The following B4GALNT3 variants were observed in gnomAD, a reference collection of about 807,000 sequenced individuals.
The protein encoded by B4GALNT3 is beta-1,4-N-acetylgalactosaminyltransferase 3.
A neutral mutation model predicts 120.2 loss-of-function variants in B4GALNT3; 86 were observed. The ratio of observed to expected loss-of-function variants is 0.72; its 90% CI spans 0.60 to 0.86. The LOEUF (loss-of-function observed/expected upper bound fraction) is 0.86. Ranked by LOEUF, B4GALNT3 falls within the 40% of genes least tolerant of loss-of-function variation. B4GALNT3 has a pLI of 0.00. For synonymous variants in B4GALNT3, 518 were observed against 510.4 expected, an observed-to-expected ratio of 1.01 and a Z score of -0.20; for missense variants, 1,167 against 1,298.9, an observed-to-expected ratio of 0.90 and a Z score of 1.56.
chr12:483,400 G>A (rs1946260478), intron 1 of B4GALNT3, among the ~76,000 whole-genome samples: 1 of 152,282 alleles, frequency 6.6e-6, no homozygotes, highest in East Asian at 1.9e-4. Context: ...AGCTATTATA[G>A]TAACAGCCCA....
chr12:521,697 G>A (rs1946710752), intron 1 of B4GALNT3, among the ~76,000 whole-genome samples: 2 of 152,176 alleles, frequency 1.3e-5, no homozygotes, highest in Admixed American at 1.3e-4. Flanking sequence ...ACGTTCAGTG[G>A]GACGATTCCA....
intron 3 of B4GALNT3, among the ~76,000 whole-genome samples, chr12:543,994 G>T (rs1282919050): frequency 7.9e-6 from 1 of 126,208 alleles, no homozygotes; most frequent in Non-Finnish European, 1.6e-5. Flanking sequence ...AGGAGCTGGG[G>T]CGGGCATGGG....
chr12:528,299 A>C (rs1437918850), intron 1 of B4GALNT3, among the ~76,000 whole-genome samples: 1 of 152,060 alleles, frequency 6.6e-6, no homozygotes, highest in Non-Finnish European at 1.5e-5. Context: ...CAGTCATGAC[A>C]CACTACAGCC....
intron 1 of B4GALNT3, among the ~76,000 whole-genome samples, chr12:468,538 G>A (rs1946104735): frequency 6.6e-6 from 1 of 152,160 alleles, no homozygotes; most frequent in Non-Finnish European, 1.5e-5. Context: ...AGGCATCCTT[G>A]ACACTACCGA....
intron 7 of B4GALNT3, 146 bp from the exon 8 acceptor site, chr12:547,878 C>T (rs1010446505): frequency 1.2e-5 from 8 of 673,018 alleles, no homozygotes; most frequent in Non-Finnish European, 2.1e-5. Flanking sequence ...AGAGTGGGGG[C>T]TCGAACCTAG....
Position 545,454 on chromosome 12 carries a change from G to T in B4GALNT3, c.624G>T (p.Leu208=). 1 of 1,605,048 alleles carries T rather than the reference G, an allele frequency of 6.2e-7. No homozygotes were observed. The highest frequency in any genetic ancestry group is 8.5e-7 in the Non-Finnish European group (1 of 1,176,532). Residue 208 remains leucine, a synonymous_variant, in exon 6 of 20, where the codon CTG becomes CTT. Transcript: ENST00000266383. ...LDDQVSGLQL[L]ASVGKTGKEW... is the part of the protein sequence containing the mutation. ...ACCAGGTCTCAGGCCTCCAGCTGCT[G>T]GCCAGTGTGGGCAAGGTAAGGCCAG... is the stretch of plus-strand genomic sequence containing the variant.
chr12:511,420 A>G (rs1351368634), intron 1 of B4GALNT3, among the ~76,000 whole-genome samples: 79 of 50,460 alleles, frequency 1.6e-3, no homozygotes, highest in African/African-American at 5.0e-3. Context: ...TCCACCTTCC[A>G]CCTTCCACCT....
At chr12:511,737 C>T (rs1565598187) in intron 1 of B4GALNT3, among the ~76,000 whole-genome samples, 1 of 105,758 alleles carries the variant, frequency 9.5e-6, no homozygotes. Context: ...CTTCCTTCCA[C>T]CTTCCACCTT....
chr12:511,268 CACCTTCG>C (rs1946548059), intron 1 of B4GALNT3, among the ~76,000 whole-genome samples: 2 of 147,790 alleles, frequency 1.4e-5, no homozygotes, highest in Admixed American at 6.8e-5. Flanking sequence ...TTCCGCCTTC[CACCTTCG>C]ACCTTCTTCC....
At chr12:504,301 A>G (rs1482758097) in intron 1 of B4GALNT3, among the ~76,000 whole-genome samples, 5 of 140,638 alleles carry the variant, frequency 3.6e-5, no homozygotes, top group Non-Finnish European at 6.0e-5. Context: ...AAAAACAAAA[A>G]CACAATTTTT....
chr12:461,605 C>T (rs1355549808), intron 1 of B4GALNT3, among the ~76,000 whole-genome samples: 3 of 152,224 alleles, frequency 2.0e-5, no homozygotes, highest in Non-Finnish European at 2.9e-5. Context: ...TTTCCTCCCG[C>T]TTTGGGGAAA....
intron 3 of B4GALNT3, chr12:543,122 C>T (rs749703567): frequency 2.2e-5 from 28 of 1,289,286 alleles, no homozygotes; most frequent in Non-Finnish European, 2.4e-5. Flanking sequence ...CATGGGAGGT[C>T]CAGGGAGAGT....
Position 491,334 on chromosome 12 carries a change from CTTT to C in B4GALNT3, c.169+30802_169+30804del, listed in dbSNP as rs34540336. Among the ~76,000 whole-genome samples the C allele has an allele frequency of 2.1e-5, 3 of 142,574 alleles. No homozygotes were observed. In the East Asian group the frequency reaches 6.0e-4, roughly 29 times the overall value. 93.5% of individuals were successfully genotyped at this position (142,574 alleles called of 152,430 possible). ...CTGACACCTATTCATGATACAAATTCTTTTTTTTTTTTTTTAAGACAGTCTTGC... is the reference window on the plus strand; with the variant it reads ...CTGACACCTATTCATGATACAAATTCTTTTTTTTTTTTAAGACAGTCTTGC... On this transcript the variant is annotated intron_variant, in intron 1 of 19. Coordinates refer to ENST00000266383, the MANE Select transcript of B4GALNT3 (RefSeq NM_173593.4).
At chr12:543,742 A>G (rs1173500978) in intron 3 of B4GALNT3, among the ~76,000 whole-genome samples, 4 of 76,118 alleles carry the variant, frequency 5.3e-5, no homozygotes, top group Admixed American at 2.7e-4. Flanking sequence ...AGGAGCTGGG[A>G]TGGGCATGGG....
chr12:515,424 C>T (rs1946643251), intron 1 of B4GALNT3, among the ~76,000 whole-genome samples: 1 of 152,036 alleles, frequency 6.6e-6, no homozygotes, highest in African/African-American at 2.4e-5. Flanking sequence ...GTCTCAATCT[C>T]CTGACCTCGT....
Position 535,245 on chromosome 12 carries a change from C to A in B4GALNT3, c.249C>A (p.Tyr83Ter). The A allele has an allele frequency of 6.2e-7, 1 of 1,613,994 alleles. No individual in the cohort carries two copies. Among genetic ancestry groups the A allele is most frequent in the South Asian group, 1.1e-5 (1 of 91,076 alleles). The change falls in exon 2 of 20, where the codon TAC becomes TAA. Residue 83 changes from tyrosine (Y) to a stop codon, truncating the protein, a stop_gained. Coordinates refer to ENST00000266383, the MANE Select transcript of B4GALNT3 (RefSeq NM_173593.4). LOFTEE classifies it high-confidence loss of function. ...CTGTGGATCCACACCTCCAGTTCTA[C>A]CATCCCCAGAGGCTGAGCCTCGAGG... ...IPAVDPHLQFYHPQRLSLEDH... is the reference protein window; with the variant it reads ...IPAVDPHLQF
At chr12:551,628 C>T (rs1947084039) in intron 11 of B4GALNT3, among the ~76,000 whole-genome samples, 1 of 152,018 alleles carries the variant, frequency 6.6e-6, no homozygotes, top group Admixed American at 6.6e-5. Context: ...GTGGTGGTGA[C>T]CACGAGCTAT....
At chr12:475,742 T>G (rs1433858619) in intron 1 of B4GALNT3, among the ~76,000 whole-genome samples, 1 of 152,200 alleles carries the variant, frequency 6.6e-6, no homozygotes, top group Non-Finnish European at 1.5e-5. Context: ...AACTTACAAT[T>G]GATCACTGAC....
In B4GALNT3 at chr12:535,180, A is replaced by C. The variant is rs776290300; in HGVS notation, c.184A>C (p.Arg62=). The change falls in exon 2 of 20, where the codon AGA becomes CGA. Residue 62 remains arginine (R), a synonymous_variant. Coordinates refer to ENST00000266383, the MANE Select transcript of B4GALNT3 (RefSeq NM_173593.4). Reference sequence around the variant, plus strand: ...CCCTTCCACAGGGTACGGCAGCTGGAGAGAACTGGCCAAGGCTCTGGCCAG... The same window carrying C: ...CCCTTCCACAGGGTACGGCAGCTGGCGAGAACTGGCCAAGGCTCTGGCCAG... ...NPLNRRYGSW[R]ELAKALASRN... The C allele has an allele frequency of 1.6e-5, 26 of 1,612,920 alleles. No homozygotes were observed. Among genetic ancestry groups the C allele is most frequent in the Non-Finnish European group, 2.0e-5 (24 of 1,179,416 alleles).
Sources: allele counts gnomAD v4.1 joint callset (sites outside exome capture counted in the v4.1 genomes callset), GRCh38; gene constraint gnomAD v4.1.1; transcripts MANE v1.5; gene names NCBI Gene and HGNC (gene_info 2026-07-23, HGNC 2026-07-21).